The following CPNE8 variants were observed in gnomAD, a reference collection of about 807,000 sequenced individuals.
CPNE8 encodes the protein copine 8.
Under a neutral mutation model 81.5 loss-of-function variants are expected in CPNE8, and 45 were observed. That is an observed-to-expected ratio of 0.55 (90% confidence interval 0.44 to 0.71). CPNE8 has a LOEUF of 0.71. Ranked by LOEUF, CPNE8 falls within the 30% of genes least tolerant of loss-of-function variation. CPNE8 has a pLI of 0.00. For missense variants in CPNE8, 594 were observed against 672.1 expected (o/e 0.88, Z 1.28); for synonymous variants, 252 against 226.3 (o/e 1.11, Z -1.02).
At chr12:38,698,602 C>T (rs1222893109) in intron 14 of CPNE8, among the ~76,000 whole-genome samples, 10 of 152,178 alleles carry the variant, frequency 6.6e-5, no homozygotes, top group Admixed American at 5.2e-4. Context: ...AGTCCAACTT[C>T]CTGCTTTTGC....
chr12:38,722,827 G>C (rs1385284264), intron 13 of CPNE8, among the ~76,000 whole-genome samples: 1 of 152,078 alleles, frequency 6.6e-6, no homozygotes, highest in Non-Finnish European at 1.5e-5. Context: ...TCGAGGGAGG[G>C]ATTTGGTGGG....
At chr12:38,686,637 T>A (rs1403167295) in intron 15 of CPNE8, among the ~76,000 whole-genome samples, 1 of 152,214 alleles carries the variant, frequency 6.6e-6, no homozygotes, top group Non-Finnish European at 1.5e-5. Flanking sequence ...AGCACGGTGG[T>A]TCCTGAGCAG....
intron 7 of CPNE8, 51 bp downstream of exon 7, chr12:38,776,187 T>C (rs368167841): frequency 4.4e-6 from 4 of 901,634 alleles, no homozygotes; most frequent in Non-Finnish European, 6.7e-6. Flanking sequence ...ATTTTAGATA[T>C]AGCATTTGAA....
intron 9 of CPNE8, among the ~76,000 whole-genome samples, chr12:38,761,780 A>G (rs1002765704): frequency 1.3e-5 from 2 of 152,216 alleles, no homozygotes; most frequent in African/African-American, 2.4e-5. Context: ...TGAATCAGCA[A>G]CCATGAGTTA....
At chr12:38,657,330 T>C (rs568599151) in intron 19 of CPNE8, among the ~76,000 whole-genome samples, 63 of 151,736 alleles carry the variant, frequency 4.2e-4, no homozygotes, top group African/African-American at 1.4e-3. Context: ...GGGGGAGGGG[T>C]GTCCACCATT....
intron 5 of CPNE8, among the ~76,000 whole-genome samples, chr12:38,836,359 A>G (rs75646175): frequency 0.013 from 1,908 of 152,214 alleles, 42 homozygotes; most frequent in African/African-American, 0.043. Context: ...AATTATGATC[A>G]TTTACGTCTT....
intron 6 of CPNE8, among the ~76,000 whole-genome samples, chr12:38,798,217 T>C (rs1427182631): frequency 1.6e-4 from 25 of 151,976 alleles, no homozygotes; most frequent in Admixed American, 3.3e-4. Context: ...AGATACTCCT[T>C]GAGAAGAGCA....
intron 1 of CPNE8, among the ~76,000 whole-genome samples, chr12:38,879,516 T>C (rs573730349): frequency 1.1e-4 from 16 of 152,204 alleles, no homozygotes; most frequent in African/African-American, 3.9e-4. Flanking sequence ...TAGTAGAAAA[T>C]AAAAACTTTG....
chr12:38,873,886 G>A (rs1020142009), intron 2 of CPNE8, among the ~76,000 whole-genome samples: 3 of 151,894 alleles, frequency 2.0e-5, no homozygotes, highest in African/African-American at 7.3e-5. Context: ...CAAACACTTT[G>A]GTTCATATCA....
chr12:38,866,400 T>G (rs565912635), intron 3 of CPNE8, among the ~76,000 whole-genome samples: 1 of 152,350 alleles, frequency 6.6e-6, no homozygotes, highest in Non-Finnish European at 1.5e-5. Context: ...TTCTGCAACA[T>G]GCATTCAATA....
At position 38,838,156 on chromosome 12, in the gene CPNE8, G is replaced by A. The variant is rs186565263; in HGVS notation, c.330+1760C>T. Among the ~76,000 whole-genome samples, 28 of 152,162 alleles carry A rather than the reference G, an allele frequency of 1.8e-4. No homozygotes were observed. In the East Asian group the frequency reaches 4.4e-3, roughly 24 times the overall value. Reference sequence around the variant, plus strand: ...AATGTCCTTACCTGCCAGTTATTACGCCCTTTGAAGAGTAGTTTGAACTAA... The same window carrying A: ...AATGTCCTTACCTGCCAGTTATTACACCCTTTGAAGAGTAGTTTGAACTAA... On this transcript the variant is annotated intron_variant, in intron 5 of 19. Transcript: ENST00000331366.
intron 6 of CPNE8, among the ~76,000 whole-genome samples, chr12:38,798,398 C>T (rs1429694242): frequency 5.9e-5 from 9 of 152,282 alleles, no homozygotes; most frequent in African/African-American, 1.2e-4. Context: ...CAATATTCAA[C>T]TTTCTTAAAG....
chr12:38,863,813 G>A (rs2137085845), intron 3 of CPNE8, among the ~76,000 whole-genome samples: 1 of 152,234 alleles, frequency 6.6e-6, no homozygotes, highest in Non-Finnish European at 1.5e-5. Flanking sequence ...AGCACTTTGG[G>A]AGGCCGAGGC....
chr12:38,833,351 CAAA>C (rs774534221), intron 5 of CPNE8, among the ~76,000 whole-genome samples: 7 of 61,884 alleles, frequency 1.1e-4, no homozygotes, highest in Admixed American at 3.9e-4. Context: ...GACCTTATCT[CAAA>C]AAAAAAAAAA....
intron 16 of CPNE8, among the ~76,000 whole-genome samples, 200 bp from the exon 17 acceptor site, chr12:38,677,754 G>A (rs535303660): frequency 6.6e-6 from 1 of 151,408 alleles, no homozygotes; most frequent in East Asian, 1.9e-4. Flanking sequence ...GTGCATGCTG[G>A]CACACAGAAA....
intron 7 of CPNE8, among the ~76,000 whole-genome samples, chr12:38,769,931 A>T (rs900308833): frequency 2.6e-5 from 4 of 152,202 alleles, no homozygotes; most frequent in Non-Finnish European, 5.9e-5. Flanking sequence ...GCAATTACTC[A>T]GGTTAACAAC....
intron 6 of CPNE8, among the ~76,000 whole-genome samples, chr12:38,826,293 C>T (rs958065241): frequency 2.6e-5 from 4 of 152,024 alleles, no homozygotes; most frequent in Non-Finnish European, 5.9e-5. Flanking sequence ...TTAATTATTC[C>T]TTTTTCAGTA....
intron 13 of CPNE8, among the ~76,000 whole-genome samples, chr12:38,709,827 C>A (rs1592027444): frequency 6.6e-6 from 1 of 152,136 alleles, no homozygotes; most frequent in Admixed American, 6.5e-5. Context: ...AATTTATAAT[C>A]TAACCTTGTT....
At chr12:38,858,681 C>T (rs1039430944) in intron 3 of CPNE8, among the ~76,000 whole-genome samples, 2 of 152,156 alleles carry the variant, frequency 1.3e-5, no homozygotes, top group Admixed American at 6.5e-5. Flanking sequence ...TCCACACCAG[C>T]CCTGTTTTTG....
Sources: allele counts gnomAD v4.1 joint callset (sites outside exome capture counted in the v4.1 genomes callset), GRCh38; gene constraint gnomAD v4.1.1; transcripts MANE v1.5; gene names NCBI Gene and HGNC (gene_info 2026-07-23, HGNC 2026-07-21).